Variants in LRRC7 observed in about 807,000 individuals in gnomAD.
The protein encoded by LRRC7 is leucine-rich repeat-containing protein 7.
A neutral mutation model predicts 175.7 loss-of-function variants in LRRC7; 23 were observed. That is an observed-to-expected ratio of 0.13 (90% CI 0.09 to 0.19). The LOEUF is 0.19. Among genes scored for constraint, LRRC7 ranks in the 10% least tolerant of loss-of-function variants. The pLI, the probability that LRRC7 is intolerant of heterozygous loss-of-function variation, is 1.00. For synonymous variants in LRRC7, 685 were observed against 680.9 expected (o/e 1.01, Z -0.09); for missense variants, 1,354 against 1,904.7 (o/e 0.71, Z 5.38).
intron 6 of LRRC7, among the ~76,000 whole-genome samples, chr1:69,835,613 G>C (rs1681016687): frequency 6.6e-6 from 1 of 151,868 alleles, no homozygotes; most frequent in African/African-American, 2.4e-5. Context: ...CTTCATGCAG[G>C]GCAGTATGCT....
At chr1:69,747,175 C>CA (rs1313579194) in intron 2 of LRRC7, among the ~76,000 whole-genome samples, 1 of 152,068 alleles carries the variant, frequency 6.6e-6, no homozygotes. Flanking sequence ...GTTTAGGACT[C>CA]AAAAAATGAA....
chr1:69,687,746 T>C (rs1661366372), intron 2 of LRRC7, among the ~76,000 whole-genome samples: 1 of 152,140 alleles, frequency 6.6e-6, no homozygotes, highest in African/African-American at 2.4e-5. Context: ...ATTTCTTTAA[T>C]ATTAGCAAGA....
At chr1:69,781,759 GAGAGAGAAAGAA>G (rs1371255634) in intron 3 of LRRC7, among the ~76,000 whole-genome samples, 2 of 42,178 alleles carry the variant, frequency 4.7e-5, no homozygotes, top group Non-Finnish European at 8.0e-5. Flanking sequence ...GAGAGAGAGA[GAGAGAGAAAGAA>G]AGAAAGAAAG....
At chr1:69,782,649 A>G (rs1673903333) in intron 3 of LRRC7, among the ~76,000 whole-genome samples, 1 of 152,166 alleles carries the variant, frequency 6.6e-6, no homozygotes, top group African/African-American at 2.4e-5. Flanking sequence ...GAGAAATTGG[A>G]GAGGCGAAGA....
At chr1:69,589,115 G>GGTGTGTGT (rs55678803) in intron 1 of LRRC7, among the ~76,000 whole-genome samples, 19 of 142,354 alleles carry the variant, frequency 1.3e-4, no homozygotes, top group African/African-American at 2.9e-4. Context: ...TCATAAAAAG[G>GGTGTGTGT]GTGTGTGTGT....
Position 70,011,778 on chromosome 1 carries a change from A to G in LRRC7, c.1005-19A>G, listed in dbSNP as rs768466782. 7 of 1,516,268 alleles carry G rather than the reference A, an allele frequency of 4.6e-6. No individual in the cohort carries two copies. The East Asian group carries it at 1.4e-4, about 29-fold the overall frequency. The allele number at this position is 1,516,268 out of a possible 1,614,324, so 93.9% of individuals were successfully genotyped here. A position where few individuals can be genotyped will look rare whatever the true frequency, so the allele number is the denominator to read the frequency against. The stretch of plus-strand genomic sequence containing the variant: ...TATCTAACTTTTAAAATGTCTAACT[A>G]ATGTATTTAACTTTTCAGTTTATCT... On this transcript the variant is annotated intron_variant, in intron 11 of 26. Coordinates refer to ENST00000651989, the MANE Select transcript of LRRC7 (RefSeq NM_001370785.2).
intron 3 of LRRC7, among the ~76,000 whole-genome samples, chr1:69,791,470 A>G (rs1675112813): frequency 6.6e-6 from 1 of 152,020 alleles, no homozygotes; most frequent in Admixed American, 6.6e-5. Flanking sequence ...GCAGAAATGA[A>G]GCAATTACGA....
chr1:69,720,884 T>A (rs1666272563), intron 2 of LRRC7, among the ~76,000 whole-genome samples: 1 of 151,822 alleles, frequency 6.6e-6, no homozygotes, highest in Admixed American at 6.6e-5. Flanking sequence ...ATCTAACCAC[T>A]TTTAAGTGTA....
chr1:70,006,792 C>T lies in LRRC7; in HGVS notation c.1005-5005C>T, dbSNP rs1032652646. On this transcript the variant is annotated intron_variant, in intron 11 of 26. Transcript: ENST00000651989. ...ATAAATTGGGGCTCCCTATCACTCCCTCCTGAGGTTTAATCACTTGCTAGA... is the reference window on the plus strand; with the variant it reads ...ATAAATTGGGGCTCCCTATCACTCCTTCCTGAGGTTTAATCACTTGCTAGA... 9.8e-5 allele frequency among the ~76,000 whole-genome samples: 15 copies of T among 152,290 alleles called. No homozygotes were observed. The South Asian group carries it at 3.1e-3, about 32-fold the overall frequency.
intron 8 of LRRC7, among the ~76,000 whole-genome samples, chr1:69,952,010 G>A (rs146298873): frequency 0.01 from 1,593 of 151,966 alleles, 18 homozygotes; most frequent in South Asian, 0.039. Flanking sequence ...GACTGAGCTA[G>A]ATAAATATTT....
At chr1:69,574,680 T>C (rs1389889958) in intron 1 of LRRC7, among the ~76,000 whole-genome samples, 1 of 152,144 alleles carries the variant, frequency 6.6e-6, no homozygotes, top group African/African-American at 2.4e-5. Context: ...ACTACTTAAG[T>C]GTTCTGCATC....
At chr1:69,745,379 C>A (rs1332160294) in intron 2 of LRRC7, among the ~76,000 whole-genome samples, 1 of 151,872 alleles carries the variant, frequency 6.6e-6, no homozygotes, top group Admixed American at 6.6e-5. Flanking sequence ...ATATACAATA[C>A]TTTGGGGAGT....
chr1:69,712,670 C>G (rs1557634281), intron 2 of LRRC7, among the ~76,000 whole-genome samples: 1 of 152,222 alleles, frequency 6.6e-6, no homozygotes, highest in South Asian at 2.1e-4. Context: ...TCTATTATAA[C>G]AAAAAGTTAT....
intron 8 of LRRC7, among the ~76,000 whole-genome samples, chr1:69,947,510 A>G (rs1024146756): frequency 2.6e-5 from 4 of 152,074 alleles, no homozygotes; most frequent in African/African-American, 9.7e-5. Flanking sequence ...TAACAACTTA[A>G]CTTCAATCAT....
chr1:70,041,549 C>T (rs1659894144), intron 21 of LRRC7, among the ~76,000 whole-genome samples: 1 of 152,124 alleles, frequency 6.6e-6, no homozygotes, highest in African/African-American at 2.4e-5. Flanking sequence ...ACTTGGAGGG[C>T]GAAAATATTT....
chr1:69,946,736 G>T (rs1386644194), intron 8 of LRRC7, among the ~76,000 whole-genome samples: 2 of 151,334 alleles, frequency 1.3e-5, no homozygotes, highest in Non-Finnish European at 2.9e-5. Context: ...ATTACCATTT[G>T]CATGGAATAT....
Position 70,126,475 on chromosome 1 carries a change from T to C in LRRC7, c.*4588T>C, listed in dbSNP as rs373085897. Among the ~76,000 whole-genome samples the C allele has an allele frequency of 4.1e-4, 63 of 152,272 alleles. No homozygotes were observed. In the East Asian group the frequency reaches 6.0e-3, roughly 14 times the overall value. Reference sequence around the variant, plus strand: ...TGTGTCCTCTCTTCACACTTGTAGCTACCTGATCATCTGGGACTTGGGGGG... The same window carrying C: ...TGTGTCCTCTCTTCACACTTGTAGCCACCTGATCATCTGGGACTTGGGGGG... On this transcript the variant is annotated 3_prime_UTR_variant, in exon 27 of 27. Coordinates refer to ENST00000651989, the MANE Select transcript of LRRC7 (RefSeq NM_001370785.2).
intron 26 of LRRC7, among the ~76,000 whole-genome samples, chr1:70,114,286 G>T (rs1665708310): frequency 6.6e-6 from 1 of 152,230 alleles, no homozygotes; most frequent in Non-Finnish European, 1.5e-5. Flanking sequence ...TTAATGTTTA[G>T]GTAAATAATT....
intron 11 of LRRC7, among the ~76,000 whole-genome samples, chr1:70,010,335 G>A (rs1489100649): frequency 6.6e-6 from 1 of 152,164 alleles, no homozygotes; most frequent in Non-Finnish European, 1.5e-5. Context: ...GGAGGCTGAG[G>A]AAGGTAGATT....
Sources: allele counts gnomAD v4.1 joint callset (sites outside exome capture counted in the v4.1 genomes callset), GRCh38; gene constraint gnomAD v4.1.1; transcripts MANE v1.5; gene names NCBI Gene and HGNC (gene_info 2026-07-23, HGNC 2026-07-21).